EPM2A: variants seen among roughly 807,000 people sequenced by gnomAD.
EPM2A encodes EPM2A glucan phosphatase, laforin, also known as laforin.
A neutral mutation model predicts 26.5 loss-of-function variants in EPM2A; 21 were observed. The ratio of observed to expected loss-of-function variants is 0.79; its 90% CI spans 0.56 to 1.14. EPM2A has a LOEUF of 1.14. Among genes scored for constraint, EPM2A ranks in the 50% most tolerant of loss-of-function variants. EPM2A has a pLI of 0.00. For missense variants in EPM2A, 458 were observed against 440.8 expected, an observed-to-expected ratio of 1.04 and a Z score of -0.35; for synonymous variants, 217 against 177.6, an observed-to-expected ratio of 1.22 and a Z score of -1.76.
chr6:145,684,937 T>A (rs1158763461), intron 2 of EPM2A: 1 of 152,172 alleles, frequency 6.6e-6, no homozygotes, highest in African/African-American at 2.4e-5. Context: ...GGACTATTAA[T>A]TCCCTAAAAC....
chr6:145,524,666 G>T (rs1160545369), intron 2 of EPM2A, among the ~76,000 whole-genome samples: 2 of 151,864 alleles, frequency 1.3e-5, no homozygotes, highest in Admixed American at 1.3e-4. Flanking sequence ...TTCTCGAAAT[G>T]AGATCTTTTT....
At chr6:145,584,309 C>A (rs1031508423) in intron 2 of EPM2A, among the ~76,000 whole-genome samples, 3 of 152,078 alleles carry the variant, frequency 2.0e-5, no homozygotes, top group Non-Finnish European at 4.4e-5. Context: ...CTGCAAAGCA[C>A]CCTGATTGGG....
chr6:145,397,442 A>G (rs1411078242), intron 4 of EPM2A, among the ~76,000 whole-genome samples: 1 of 152,180 alleles, frequency 6.6e-6, no homozygotes, highest in African/African-American at 2.4e-5. Context: ...GCCTTAAAAA[A>G]TAAAAAAGGG....
chr6:145,712,780 G>A (rs929636447), intron 1 of EPM2A, among the ~76,000 whole-genome samples: 2 of 152,238 alleles, frequency 1.3e-5, no homozygotes, highest in Admixed American at 6.5e-5. Context: ...CATCAAACAA[G>A]GGCAATTTTA....
intron 4 of EPM2A, among the ~76,000 whole-genome samples, chr6:145,438,535 A>G (rs1779019102): frequency 7.2e-6 from 1 of 139,370 alleles, no homozygotes. Context: ...GTGCAGTGTC[A>G]TCATCTTGGC....
At chr6:145,731,910 G>A (rs1271909558) in intron 1 of EPM2A, among the ~76,000 whole-genome samples, 2 of 152,056 alleles carry the variant, frequency 1.3e-5, no homozygotes, top group South Asian at 2.1e-4. Flanking sequence ...AGAATTATCA[G>A]CCACAGCTGA....
intron 4 of EPM2A, among the ~76,000 whole-genome samples, chr6:145,420,244 C>A (rs1369708029): frequency 6.6e-6 from 1 of 152,100 alleles, no homozygotes; most frequent in Non-Finnish European, 1.5e-5. Flanking sequence ...CTTAAAAGAG[C>A]ATATTCTTTG....
chr6:145,459,879 T>A (rs1008227782), intron 4 of EPM2A, among the ~76,000 whole-genome samples: 3 of 152,178 alleles, frequency 2.0e-5, no homozygotes, highest in African/African-American at 7.2e-5. Context: ...CATAAAATCA[T>A]GCAACAGCTG....
intron 2 of EPM2A, among the ~76,000 whole-genome samples, chr6:145,601,209 ATATAAGG>A (rs1430344533): frequency 6.7e-6 from 1 of 148,750 alleles, no homozygotes; most frequent in African/African-American, 2.4e-5. Context: ...ACCCTGAATA[ATATAAGG>A]TATAACCTTT....
chr6:145,652,640 A>T (rs1386931416), intron 2 of EPM2A, among the ~76,000 whole-genome samples: 1 of 151,932 alleles, frequency 6.6e-6, no homozygotes, highest in Non-Finnish European at 1.5e-5. Flanking sequence ...TGTAATTATC[A>T]CAAGGATAAC....
chr6:145,644,632 T>C (rs578144120), intron 2 of EPM2A, among the ~76,000 whole-genome samples: 100 of 152,264 alleles, frequency 6.6e-4, no homozygotes, highest in African/African-American at 2.3e-3. Flanking sequence ...CCCTATGAGA[T>C]GTGAGTAATT....
chr6:145,414,244 T>A (rs1778679568), intron 4 of EPM2A, among the ~76,000 whole-genome samples: 1 of 152,084 alleles, frequency 6.6e-6, no homozygotes, highest in Admixed American at 6.6e-5. Context: ...ATCTTTTGCC[T>A]TTTGGCTTTG....
At chr6:145,484,963 G>T (rs1280635446) in intron 4 of EPM2A, among the ~76,000 whole-genome samples, 1 of 146,014 alleles carries the variant, frequency 6.8e-6, no homozygotes, top group Non-Finnish European at 1.5e-5. Flanking sequence ...TGGTATTCAG[G>T]TATAGATGTC....
At chr6:145,638,755 G>A (rs1254730619) in intron 2 of EPM2A, 1 of 152,140 alleles carries the variant, frequency 6.6e-6, no homozygotes, top group Non-Finnish European at 1.5e-5. Flanking sequence ...TGGGCCTGTT[G>A]GAAACAAACA....
intron 2 of EPM2A, among the ~76,000 whole-genome samples, chr6:145,616,626 C>A (rs1775518838): frequency 1.3e-5 from 2 of 152,250 alleles, no homozygotes; most frequent in African/African-American, 4.8e-5. Context: ...CCCATGAAAG[C>A]AGCCAGCAGG....
At chr6:145,427,986 A>G (rs568978906) in intron 4 of EPM2A, among the ~76,000 whole-genome samples, 4 of 151,916 alleles carry the variant, frequency 2.6e-5, no homozygotes, top group African/African-American at 7.2e-5. Context: ...ATCATTATTT[A>G]ATAGTGGATA....
At chr6:145,691,968 A>G (rs1457357704) in intron 1 of EPM2A, among the ~76,000 whole-genome samples, 2 of 152,040 alleles carry the variant, frequency 1.3e-5, no homozygotes, top group Non-Finnish European at 2.9e-5. Flanking sequence ...TGAATCAATT[A>G]TATGCTGTCT....
At position 145,450,312 on chromosome 6, in the gene EPM2A, C is replaced by T. The variant is rs896173158; in HGVS notation, c.555+52210G>A. 1.8e-4 allele frequency among the ~76,000 whole-genome samples: 25 copies of T among 142,474 alleles called. No homozygotes were observed. In the Middle Eastern group the frequency reaches 0.023, roughly 133 times the overall value. 93.5% of individuals were successfully genotyped at this position (142,474 alleles called of 152,430 possible). A position where few individuals can be genotyped will look rare whatever the true frequency, so the allele number is the denominator to read the frequency against. On this transcript the variant is annotated intron_variant, in intron 4 of 4. Transcript: ENST00000638717. Reference sequence around the variant, plus strand: ...AGCTTGCAGTGAGCCGAGATCGCGCCACTGCACTCCAGCCTGGGAGACAGT... The same window carrying T: ...AGCTTGCAGTGAGCCGAGATCGCGCTACTGCACTCCAGCCTGGGAGACAGT...
intron 2 of EPM2A, among the ~76,000 whole-genome samples, chr6:145,525,279 C>T (rs889022554): frequency 6.6e-5 from 10 of 150,494 alleles, no homozygotes; most frequent in South Asian, 2.1e-4. Flanking sequence ...ATTGCTTTGG[C>T]GATTCAGGGT....
Sources: allele counts gnomAD v4.1 joint callset (sites outside exome capture counted in the v4.1 genomes callset), GRCh38; gene constraint gnomAD v4.1.1; transcripts MANE v1.5; gene names NCBI Gene and HGNC (gene_info 2026-07-23, HGNC 2026-07-21).